PRUNE1: variants seen among roughly 807,000 people sequenced by gnomAD.
PRUNE1 encodes the protein exopolyphosphatase PRUNE1.
Under a neutral mutation model 42.5 loss-of-function variants are expected in PRUNE1, and 25 were observed. The ratio of observed to expected loss-of-function variants is 0.59; its 90% CI spans 0.43 to 0.82. The LOEUF (loss-of-function observed/expected upper bound fraction) is 0.82. PRUNE1 is among the 40% of genes least tolerant of loss of function. The pLI, the probability that PRUNE1 is intolerant of heterozygous loss-of-function variation, is 0.00. For synonymous variants in PRUNE1, 203 were observed against 217.1 expected (o/e 0.93, Z 0.57); for missense variants, 443 against 539.3 (o/e 0.82, Z 1.77).
At chr1:151,031,608 G>A (rs78358207) in intron 7 of PRUNE1, among the ~76,000 whole-genome samples, 13,688 of 152,124 alleles carry the variant, frequency 0.09, 772 homozygotes, top group African/African-American at 0.16. Context: ...TGTCAGTTTT[G>A]CTTCATGCAA....
chr1:151,024,774 C>A lies in PRUNE1; in HGVS notation c.499C>A (p.Gln167Lys). 5 of 1,613,206 alleles carry A rather than the reference C, an allele frequency of 3.1e-6. No individual in the cohort carries two copies. The highest frequency in any genetic ancestry group is 4.2e-6 in the Non-Finnish European group (5 of 1,179,574). Residue 167 changes from glutamine (Q) to lysine (K), a missense_variant, in exon 4 of 8, where the codon CAA (glutamine) becomes AAA (lysine). Gln to Lys is a moderately conservative substitution (Grantham distance 53). Coordinates refer to ENST00000271620, the MANE Select transcript of PRUNE1 (RefSeq NM_021222.3). ...GGGGGCACCAGAGATCTTGGACAGG[C>A]AAACTGCAGCCCTTCTGCATGGTAA... The part of the protein sequence containing the change: ...LQGAPEILDR[Q>K]TAALLHGTII...
At position 151,026,604 on chromosome 1, in the gene PRUNE1, A is replaced by G. The variant is rs900608282; in HGVS notation, c.680-629A>G. Among the ~76,000 whole-genome samples the G allele has an allele frequency of 2.0e-4, 30 of 152,122 alleles. 1 individual carries two copies. Among genetic ancestry groups the G allele is most frequent in the Admixed American group, 2.0e-4 (3 of 15,258 alleles). ...GGCAAAAGAAATATTTTGTGAGTAA[A>G]CAAAAGATGAAGAGAACCCAAAAAA... is the stretch of plus-strand genomic sequence containing the variant. On this transcript the variant is annotated intron_variant, in intron 5 of 7. Coordinates refer to ENST00000271620, the MANE Select transcript of PRUNE1 (RefSeq NM_021222.3).
At position 151,008,643 on chromosome 1, in the gene PRUNE1, A is replaced by T. The variant is rs1290985184; in HGVS notation, c.11A>T (p.Tyr4Phe). The T allele has an allele frequency of 1.2e-6, 2 of 1,614,160 alleles. No homozygotes were observed. Among genetic ancestry groups the T allele is most frequent in the Middle Eastern group, 1.6e-4 (1 of 6,062 alleles). MED[Y>F]LQGCRAALQE... ...ACTTTGGGCTTCATCATGGAGGACTACCTGCAGGGTTGTCGAGCTGCTCTG... is the reference window on the plus strand; with the variant it reads ...ACTTTGGGCTTCATCATGGAGGACTTCCTGCAGGGTTGTCGAGCTGCTCTG... Residue 4 changes from tyrosine to phenylalanine, a missense_variant, in exon 1 of 8, where the codon TAC (tyrosine) becomes TTC (phenylalanine). Transcript: ENST00000271620.
rs1468790445 is a variant in PRUNE1, at chr1:151,025,572, A to G, written c.578A>G (p.Lys193Arg). ...MDLKIGKATP[K>R]DSKYVEKLEA... ...CTTAAAATTGGAAAGGCAACCCCAAAGGACAGCAAATATGTGGAGAAACTA... is the reference window on the plus strand; with the variant it reads ...CTTAAAATTGGAAAGGCAACCCCAAGGGACAGCAAATATGTGGAGAAACTA... The change falls in exon 5 of 8, where the codon AAG becomes AGG. Residue 193 changes from lysine (K) to arginine (R), a missense_variant. By Grantham distance (26) the Lys-to-Arg change is conservative. Coordinates refer to ENST00000271620, the MANE Select transcript of PRUNE1 (RefSeq NM_021222.3). The G allele has an allele frequency of 6.2e-7, 1 of 1,613,830 alleles. No individual in the cohort carries two copies. The highest frequency in any genetic ancestry group is 8.5e-7 in the Non-Finnish European group (1 of 1,179,866).
At chr1:151,033,476 C>T (rs1293374745) in intron 7 of PRUNE1, among the ~76,000 whole-genome samples, 6 of 145,922 alleles carry the variant, frequency 4.1e-5, no homozygotes, top group Non-Finnish European at 7.5e-5. Context: ...CTGCAAGCTC[C>T]GCCTCCTGGG....
At chr1:151,028,277 T>C (rs1024362643) in intron 6 of PRUNE1, among the ~76,000 whole-genome samples, 1 of 152,148 alleles carries the variant, frequency 6.6e-6, no homozygotes, top group Non-Finnish European at 1.5e-5. Context: ...TCTTATTCTG[T>C]TGCCCAGGAT....
chr1:151,019,556 C>A (rs1043485637), intron 3 of PRUNE1, among the ~76,000 whole-genome samples: 5,403 of 104,600 alleles, frequency 0.052, no homozygotes, highest in Middle Eastern at 0.069. Context: ...GACCCTGTCT[C>A]AAAAAAAAAA....
At chr1:151,010,208 C>G (rs1428010056) in intron 1 of PRUNE1, among the ~76,000 whole-genome samples, 1 of 151,920 alleles carries the variant, frequency 6.6e-6, no homozygotes, top group Non-Finnish European at 1.5e-5. Context: ...CTCAGCCTCC[C>G]GAAAAAGCTG....
chr1:151,025,174 G>A (rs987642621), intron 4 of PRUNE1, among the ~76,000 whole-genome samples: 1 of 151,638 alleles, frequency 6.6e-6, no homozygotes, highest in South Asian at 2.1e-4. Flanking sequence ...AAAAGAGAGA[G>A]AGAGTGAGTT....
chr1:151,028,290 A>T (rs1675006104), intron 6 of PRUNE1, among the ~76,000 whole-genome samples: 1 of 152,082 alleles, frequency 6.6e-6, no homozygotes, highest in Admixed American at 6.6e-5. Context: ...CCCAGGATGG[A>T]GTGGAATGGC....
At chr1:151,026,269 T>C (rs780531314) in intron 5 of PRUNE1, among the ~76,000 whole-genome samples, 3 of 151,478 alleles carry the variant, frequency 2.0e-5, no homozygotes, top group Non-Finnish European at 2.9e-5. Flanking sequence ...CCAGCCTAGC[T>C]AACATGGTGA....
chr1:151,021,727 T>TC (rs1352064507), intron 3 of PRUNE1, among the ~76,000 whole-genome samples: 1 of 151,928 alleles, frequency 6.6e-6, no homozygotes, highest in African/African-American at 2.4e-5. Flanking sequence ...TTTTTTCTTT[T>TC]TTTTTTTTGA....
chr1:151,021,409 C>A (rs992827101), intron 3 of PRUNE1, among the ~76,000 whole-genome samples: 1 of 152,178 alleles, frequency 6.6e-6, no homozygotes, highest in African/African-American at 2.4e-5. Flanking sequence ...GAGCCGAGAT[C>A]ATGCCATCGC....
At chr1:151,025,713 A>T in intron 5 of PRUNE1, 40 bp downstream of exon 5, 9 of 1,571,964 alleles carry the variant, frequency 5.7e-6, no homozygotes, top group Non-Finnish European at 7.8e-6. Context: ...CCCAGATAAG[A>T]AAACAGAAAG....
At chr1:151,009,995 G>A (rs1032283516) in intron 1 of PRUNE1, among the ~76,000 whole-genome samples, 2 of 152,178 alleles carry the variant, frequency 1.3e-5, no homozygotes, top group Non-Finnish European at 2.9e-5. Context: ...CCTTGGACCT[G>A]AAACCTCACC....
chr1:151,017,164 G>A (rs1347963291), intron 1 of PRUNE1, among the ~76,000 whole-genome samples: 1 of 151,828 alleles, frequency 6.6e-6, no homozygotes, highest in African/African-American at 2.4e-5. Context: ...ATCAACCAGG[G>A]TTGATATGCC....
intron 2 of PRUNE1, chr1:151,018,265 T>C: frequency 1.3e-6 from 1 of 743,684 alleles, no homozygotes; most frequent in Non-Finnish European, 2.4e-6. Context: ...GTATTTACCA[T>C]GAGTTACCTT....
At chr1:151,027,784 G>GCA (rs1558086890) in intron 6 of PRUNE1, among the ~76,000 whole-genome samples, 52 of 144,264 alleles carry the variant, frequency 3.6e-4, no homozygotes, top group African/African-American at 1.2e-3. Flanking sequence ...GTGTGTGTGC[G>GCA]CGCGCGTGTA....
chr1:151,017,137 A>C (rs1328189508), intron 1 of PRUNE1, among the ~76,000 whole-genome samples: 3 of 151,900 alleles, frequency 2.0e-5, no homozygotes, highest in Non-Finnish European at 4.4e-5. Flanking sequence ...ACCTATTATG[A>C]AAATGGGAAG....
Sources: allele counts gnomAD v4.1 joint callset (sites outside exome capture counted in the v4.1 genomes callset), GRCh38; gene constraint gnomAD v4.1.1; transcripts MANE v1.5; gene names NCBI Gene and HGNC (gene_info 2026-07-23, HGNC 2026-07-21).